The following KCND2 variants were observed in gnomAD, a reference collection of about 807,000 sequenced individuals.
KCND2 encodes the protein A-type voltage-gated potassium channel KCND2.
A neutral mutation model predicts 54.4 loss-of-function variants in KCND2; 16 were observed. The observed-to-expected ratio is 0.29, with a 90% CI of 0.20 to 0.45. The LOEUF (loss-of-function observed/expected upper bound fraction) is 0.45. Among genes scored for constraint, KCND2 ranks in the 20% least tolerant of loss-of-function variants. The pLI, the probability that KCND2 is intolerant of heterozygous loss-of-function variation, is 1.00. For synonymous variants in KCND2, 317 were observed against 310.7 expected, an observed-to-expected ratio of 1.02 and a Z score of -0.21; for missense variants, 486 against 824.2, an observed-to-expected ratio of 0.59 and a Z score of 5.02.
At chr7:120,572,323 G>C (rs987825082) in intron 1 of KCND2, among the ~76,000 whole-genome samples, 16 of 152,254 alleles carry the variant, frequency 1.1e-4, no homozygotes, top group African/African-American at 3.9e-4. Flanking sequence ...GGACTGCAGA[G>C]TGAGTTCAAA....
chr7:120,454,196 A>G (rs771561074), intron 1 of KCND2, among the ~76,000 whole-genome samples: 1 of 152,188 alleles, frequency 6.6e-6, no homozygotes, highest in African/African-American at 2.4e-5. Flanking sequence ...GAAGACAGGA[A>G]GTAACAAAAA....
chr7:120,658,711 T>C (rs1791831997), intron 1 of KCND2, among the ~76,000 whole-genome samples: 1 of 152,210 alleles, frequency 6.6e-6, no homozygotes, highest in African/African-American at 2.4e-5. Context: ...GACCAGCAAC[T>C]AGCCCCAACA....
At chr7:120,453,269 C>G (rs1302246023) in intron 1 of KCND2, among the ~76,000 whole-genome samples, 1 of 152,194 alleles carries the variant, frequency 6.6e-6, no homozygotes, top group African/African-American at 2.4e-5. Context: ...CCAGTGCCCT[C>G]CCCCAGCTGA....
At chr7:120,699,721 A>C (rs1340422767) in intron 1 of KCND2, among the ~76,000 whole-genome samples, 1 of 152,212 alleles carries the variant, frequency 6.6e-6, no homozygotes, top group Non-Finnish European at 1.5e-5. Context: ...GTGATGTCAA[A>C]GAAAGAATAC....
At chr7:120,696,471 G>A (rs1245247058) in intron 1 of KCND2, among the ~76,000 whole-genome samples, 1 of 152,162 alleles carries the variant, frequency 6.6e-6, no homozygotes, top group African/African-American at 2.4e-5. Flanking sequence ...TTACAAAACT[G>A]TGTGAACTAA....
intron 1 of KCND2, among the ~76,000 whole-genome samples, chr7:120,396,245 G>A (rs777102447): frequency 6.6e-6 from 1 of 151,960 alleles, no homozygotes; most frequent in African/African-American, 2.4e-5. Flanking sequence ...CAAATTAATT[G>A]TAAGATCTGT....
intron 1 of KCND2, among the ~76,000 whole-genome samples, chr7:120,379,043 G>A (rs1199663722): frequency 6.6e-6 from 1 of 151,918 alleles, no homozygotes; most frequent in East Asian, 1.9e-4. Flanking sequence ...CTCTACTCAT[G>A]CAAAATTTTT....
At chr7:120,667,958 G>A (rs902955024) in intron 1 of KCND2, among the ~76,000 whole-genome samples, 2 of 151,596 alleles carry the variant, frequency 1.3e-5, no homozygotes, top group Non-Finnish European at 2.9e-5. Context: ...CTAACCAGAA[G>A]CCAGAAAAAA....
chr7:120,355,673 A>C (rs1800492847), intron 1 of KCND2, among the ~76,000 whole-genome samples: 1 of 152,220 alleles, frequency 6.6e-6, no homozygotes, highest in Non-Finnish European at 1.5e-5. Context: ...AAAAGATCAA[A>C]ATTCAGAATT....
intron 1 of KCND2, among the ~76,000 whole-genome samples, chr7:120,342,685 CATT>C (rs1277747530): frequency 2.6e-5 from 4 of 151,976 alleles, no homozygotes; most frequent in African/African-American, 9.7e-5. Context: ...TATATAATAG[CATT>C]ATCATTGAGT....
chr7:120,545,080 TCAAA>T (rs1180932008), intron 1 of KCND2, among the ~76,000 whole-genome samples: 1 of 151,908 alleles, frequency 6.6e-6, no homozygotes, highest in Non-Finnish European at 1.5e-5. Flanking sequence ...TCTTATATAT[TCAAA>T]CAAACATTAC....
chr7:120,288,023 T>C (rs1236787251), intron 1 of KCND2, among the ~76,000 whole-genome samples: 4 of 152,156 alleles, frequency 2.6e-5, no homozygotes, highest in Non-Finnish European at 5.9e-5. Flanking sequence ...ATAACAATCA[T>C]TAGTCAGTGT....
intron 1 of KCND2, among the ~76,000 whole-genome samples, chr7:120,436,451 A>G (rs929251966): frequency 6.6e-6 from 1 of 152,218 alleles, no homozygotes; most frequent in Non-Finnish European, 1.5e-5. Flanking sequence ...TCATTCATAA[A>G]CTTGTAGCAG....
chr7:120,446,627 C>A (rs1036573547), intron 1 of KCND2, among the ~76,000 whole-genome samples: 1 of 152,042 alleles, frequency 6.6e-6, no homozygotes, highest in East Asian at 1.9e-4. Flanking sequence ...TATATATTTT[C>A]ATGGGAAGTT....
chr7:120,348,441 A>G lies in KCND2; in HGVS notation c.1115+72694A>G, dbSNP rs1335269206. On this transcript the variant is annotated intron_variant, in intron 1 of 5. Coordinates refer to ENST00000331113, the MANE Select transcript of KCND2 (RefSeq NM_012281.3). Reference sequence around the variant, plus strand: ...ATATTAAAATATTGACAAGACTATCAATTTAGAACCAAGGTGGGCACATGT... The same window carrying G: ...ATATTAAAATATTGACAAGACTATCGATTTAGAACCAAGGTGGGCACATGT... Among the ~76,000 whole-genome samples, 7 of 152,268 alleles carry G rather than the reference A, an allele frequency of 4.6e-5. No homozygotes were observed. The South Asian group carries it at 1.5e-3, about 32-fold the overall frequency.
chr7:120,731,386 C>T (rs1337984030), intron 1 of KCND2, among the ~76,000 whole-genome samples: 2 of 152,162 alleles, frequency 1.3e-5, no homozygotes, highest in Non-Finnish European at 2.9e-5. Context: ...GCCAGAAAAT[C>T]ACTTGGATGG....
chr7:120,562,117 A>T lies in KCND2; in HGVS notation c.1116-170786A>T, dbSNP rs78818282. On this transcript the variant is annotated intron_variant, in intron 1 of 5. Transcript: ENST00000331113. ...CATCAAGGCTGCAGACATCTCTTTG[A>T]AAGTTATAAGCGCAAGAGGACAAGA... 6.2e-3 allele frequency among the ~76,000 whole-genome samples: 939 copies of T among 152,286 alleles called. 10 individuals are homozygous for T. The highest frequency in any genetic ancestry group is 0.021 in the African/African-American group (870 of 41,558).
intron 1 of KCND2, among the ~76,000 whole-genome samples, chr7:120,674,420 C>T (rs1488287641): frequency 2.0e-5 from 3 of 150,182 alleles, no homozygotes; most frequent in African/African-American, 7.3e-5. Flanking sequence ...TTTGAAAAAC[C>T]GTGTCTTTGT....
chr7:120,574,452 T>C (rs1792402240), intron 1 of KCND2, among the ~76,000 whole-genome samples: 1 of 152,212 alleles, frequency 6.6e-6, no homozygotes, highest in South Asian at 2.1e-4. Flanking sequence ...TTGGTTACAA[T>C]ATCTGCTAAA....
Sources: gnomAD v4.1 joint callset for allele counts (sites outside exome capture counted in the v4.1 genomes callset) on GRCh38, gnomAD v4.1.1 for gene constraint, MANE v1.5 for transcripts, NCBI Gene and HGNC (gene_info 2026-07-23, HGNC 2026-07-21) for gene names.